The following SOX6 variants were observed in gnomAD, a reference collection of about 807,000 sequenced individuals.
SOX6 encodes the protein SRY-box transcription factor 6, also known as transcription factor SOX-6.
Under a neutral mutation model 97.8 loss-of-function variants are expected in SOX6, and 11 were observed. The ratio of observed to expected loss-of-function variants is 0.11; its 90% CI spans 0.07 to 0.19. SOX6 has a LOEUF of 0.19. SOX6 is among the 10% of genes least tolerant of loss of function. The probability of loss-of-function intolerance (pLI) is 1.00; values close to 1 mark genes in which losing one functional copy is unlikely to be tolerated. For missense variants in SOX6, 810 were observed against 1,039.5 expected, an observed-to-expected ratio of 0.78 and a Z score of 3.04; for synonymous variants, 360 against 371.4, an observed-to-expected ratio of 0.97 and a Z score of 0.35.
rs138431993 is a variant in SOX6, at chr11:16,590,003, T to C, written n.609+22078A>G. Among the ~76,000 whole-genome samples the C allele has an allele frequency of 8.1e-4, 123 of 152,232 alleles. 2 individuals are homozygous for C. The highest frequency in any genetic ancestry group is 2.9e-3 in the African/African-American group (122 of 41,562). The stretch of plus-strand genomic sequence containing the variant: ...GCTGCTATAAAAAAGGTTAAAATAA[T>C]ATACAAAAAAATAATATGACAACAA... On this transcript the variant is annotated intron_variant and non_coding_transcript_variant, in intron 4 of 5. Coordinates refer to the SOX6 transcript ENST00000524520.
intron 3 of SOX6, among the ~76,000 whole-genome samples, chr11:16,700,098 T>C (rs1848082040): frequency 6.6e-6 from 1 of 152,140 alleles, no homozygotes; most frequent in Non-Finnish European, 1.5e-5. Context: ...TGATACATGA[T>C]ACAAAGAAAT....
At chr11:16,140,216 T>C (rs1379483630) in intron 6 of SOX6, among the ~76,000 whole-genome samples, 2 of 152,142 alleles carry the variant, frequency 1.3e-5, no homozygotes, top group African/African-American at 2.4e-5. Context: ...ACTTTCCTAA[T>C]AGGATCTTCA....
At chr11:16,588,493 T>C (rs1848118628) in intron 4 of SOX6, among the ~76,000 whole-genome samples, 1 of 152,200 alleles carries the variant, frequency 6.6e-6, no homozygotes, top group Admixed American at 6.5e-5. Context: ...GCTGCCTTAC[T>C]GTCCTTTCCC....
chr11:16,398,050 T>A (rs1858412392), intron 1 of SOX6, among the ~76,000 whole-genome samples: 1 of 151,554 alleles, frequency 6.6e-6, no homozygotes, highest in South Asian at 2.1e-4. Context: ...TCATGGCAAT[T>A]TTCTGCAAAT....
Position 16,513,643 on chromosome 11 carries a change from T to C in SOX6, n.610-37255A>G, listed in dbSNP as rs147352443. On this transcript the variant is annotated intron_variant and non_coding_transcript_variant, in intron 4 of 5. Transcript: ENST00000524520. ...GCAAGACTCCATCTCAATAAATAAATAAACAAACAAACAAACCAGCAAACG... is the reference window on the plus strand; with the variant it reads ...GCAAGACTCCATCTCAATAAATAAACAAACAAACAAACAAACCAGCAAACG... Among the ~76,000 whole-genome samples the C allele has an allele frequency of 4.6e-5, 7 of 151,398 alleles. No individual in the cohort carries two copies. In the East Asian group the frequency reaches 7.9e-4, roughly 17 times the overall value.
At chr11:16,479,989 A>G (rs534645703), upstream of SOX6, among the ~76,000 whole-genome samples, 101 of 152,260 alleles carry the variant, frequency 6.6e-4, no homozygotes, top group African/African-American at 2.3e-3. Flanking sequence ...CTACATACAT[A>G]TAACACTACT....
chr11:16,520,413 T>C (rs1239599888), intron 4 of SOX6, among the ~76,000 whole-genome samples: 2 of 152,274 alleles, frequency 1.3e-5, no homozygotes, highest in Non-Finnish European at 2.9e-5. Context: ...CTTCTGCATA[T>C]GGCTAGCCAT....
At chr11:16,028,143 A>T (rs1332213353) in intron 12 of SOX6, among the ~76,000 whole-genome samples, 1 of 152,246 alleles carries the variant, frequency 6.6e-6, no homozygotes, top group East Asian at 1.9e-4. Flanking sequence ...TTTTGTACAC[A>T]GCCTGCTAAT....
intron 4 of SOX6, among the ~76,000 whole-genome samples, chr11:16,187,811 T>G (rs1201585578): frequency 6.6e-6 from 1 of 152,170 alleles, no homozygotes; most frequent in Non-Finnish European, 1.5e-5. Context: ...ACAGAATCCT[T>G]TTGTGAATCT....
intron 1 of SOX6, among the ~76,000 whole-genome samples, chr11:16,425,822 T>C (rs528008756): frequency 6.6e-6 from 1 of 152,026 alleles, no homozygotes; most frequent in South Asian, 2.1e-4. Flanking sequence ...AGATGACACA[T>C]ATAAATGGAA....
intron 3 of SOX6, among the ~76,000 whole-genome samples, chr11:16,683,492 C>T (rs1428872768): frequency 6.6e-6 from 1 of 152,144 alleles, no homozygotes; most frequent in Non-Finnish European, 1.5e-5. Context: ...GGAAAGGATG[C>T]CCTATTTAAT....
chr11:16,480,647 C>CG (rs1170431626), upstream of SOX6, among the ~76,000 whole-genome samples: 44 of 55,160 alleles, frequency 8.0e-4, no homozygotes, highest in East Asian at 1.5e-3. Flanking sequence ...TTTTAGTAAC[C>CG]CCCCCCCCAC....
At chr11:16,631,654 A>G (rs1315840551) in intron 3 of SOX6, among the ~76,000 whole-genome samples, 5 of 152,234 alleles carry the variant, frequency 3.3e-5, no homozygotes, top group Admixed American at 1.3e-4. Flanking sequence ...ATTTTCTTAA[A>G]TAATTCCCTC....
At chr11:16,496,115 T>A (rs888703747) in intron 4 of SOX6, among the ~76,000 whole-genome samples, 3 of 152,016 alleles carry the variant, frequency 2.0e-5, no homozygotes, top group African/African-American at 7.2e-5. Flanking sequence ...TTCAGAAAAT[T>A]AGAAGTAATT....
intron 6 of SOX6, among the ~76,000 whole-genome samples, chr11:16,179,177 G>A (rs964500721): frequency 6.6e-6 from 1 of 151,892 alleles, no homozygotes; most frequent in East Asian, 1.9e-4. Flanking sequence ...AAAAGGTAAG[G>A]TCTATCTCCT....
chr11:16,736,719 G>A (rs1174730046), intron 1 of SOX6, among the ~76,000 whole-genome samples: 1 of 152,188 alleles, frequency 6.6e-6, no homozygotes, highest in Non-Finnish European at 1.5e-5. Context: ...GCAAAACTCT[G>A]TAACTTAAAT....
At chr11:16,403,716 A>G (rs1469485637) in intron 1 of SOX6, among the ~76,000 whole-genome samples, 1 of 151,820 alleles carries the variant, frequency 6.6e-6, no homozygotes, top group Non-Finnish European at 1.5e-5. Context: ...AAGCTCATTA[A>G]TCACTGAAAG....
chr11:16,086,842 A>C (rs1245443032), intron 9 of SOX6, among the ~76,000 whole-genome samples: 1 of 152,222 alleles, frequency 6.6e-6, no homozygotes, highest in East Asian at 1.9e-4. Flanking sequence ...AATTTGAAAA[A>C]TACGTGAACT....
chr11:16,285,583 T>G (rs755054040), intron 3 of SOX6, among the ~76,000 whole-genome samples: 1 of 152,032 alleles, frequency 6.6e-6, no homozygotes, highest in Non-Finnish European at 1.5e-5. Context: ...TTTAAAAAAT[T>G]TTAAATGTCA....
Sources: allele counts gnomAD v4.1 joint callset (sites outside exome capture counted in the v4.1 genomes callset), GRCh38; gene constraint gnomAD v4.1.1; transcripts MANE v1.5; gene names NCBI Gene and HGNC (gene_info 2026-07-23, HGNC 2026-07-21).